Variants in ZNF365 observed in about 807,000 individuals in gnomAD.
ZNF365 encodes protein ZNF365.
Under a neutral mutation model 35.0 loss-of-function variants are expected in ZNF365, and 22 were observed. The ratio of observed to expected loss-of-function variants is 0.63; its 90% CI spans 0.45 to 0.90. The LOEUF is 0.90. Among genes scored for constraint, ZNF365 ranks in the 40% least tolerant of loss-of-function variants. The pLI, the probability that ZNF365 is intolerant of heterozygous loss-of-function variation, is 0.00. For missense variants in ZNF365, 448 were observed against 500.3 expected (o/e 0.90, Z 1.00); for synonymous variants, 188 against 196.2 (o/e 0.96, Z 0.35).
At chr10:62,458,862 AT>A (rs1840802948) in intron 3 of ZNF365, among the ~76,000 whole-genome samples, 1 of 152,108 alleles carries the variant, frequency 6.6e-6, no homozygotes, top group Non-Finnish European at 1.5e-5. Context: ...CTTTATCTAT[AT>A]TTTGGTTTTT....
rs140157545 is a variant in ZNF365, at chr10:62,433,606, G to A, written c.925-26135G>A. ...GATAAACCAAGTGATACTTGATGACGATCCAGATTTGGATTTAAGAAGCAG... is the reference window on the plus strand; with the variant it reads ...GATAAACCAAGTGATACTTGATGACAATCCAGATTTGGATTTAAGAAGCAG... On this transcript the variant is annotated intron_variant, in intron 3 of 4. Transcript: ENST00000395255. Among the ~76,000 whole-genome samples the A allele has an allele frequency of 3.8e-3, 574 of 152,226 alleles. 4 individuals are homozygous for A. The highest frequency in any genetic ancestry group is 0.013 in the African/African-American group (548 of 41,536).
chr10:62,404,944 C>T (rs892699675), downstream of ZNF365, among the ~76,000 whole-genome samples: 1 of 152,094 alleles, frequency 6.6e-6, no homozygotes, highest in African/African-American at 2.4e-5. Context: ...TTACAGAATC[C>T]TTTTGAAGCA....
intron 3 of ZNF365, among the ~76,000 whole-genome samples, chr10:62,435,484 C>T (rs1840393097): frequency 6.6e-6 from 1 of 152,142 alleles, no homozygotes; most frequent in South Asian, 2.1e-4. Context: ...TAGTGCAAGG[C>T]TCTCCACCCT....
intron 3 of ZNF365, among the ~76,000 whole-genome samples, chr10:62,410,843 A>G (rs1181702912): frequency 6.6e-6 from 1 of 152,120 alleles, no homozygotes; most frequent in African/African-American, 2.4e-5. Context: ...ATCTTTGAGA[A>G]ATGATCACAC....
At chr10:62,388,859 AGAGTTT>A (rs1839573274) in intron 3 of ZNF365, among the ~76,000 whole-genome samples, 1 of 152,226 alleles carries the variant, frequency 6.6e-6, no homozygotes, top group Non-Finnish European at 1.5e-5. Context: ...GTAAAATAGA[AGAGTTT>A]GAAGTATCCA....
intron 3 of ZNF365, among the ~76,000 whole-genome samples, chr10:62,446,074 A>G (rs1840583325): frequency 1.3e-5 from 2 of 152,196 alleles, no homozygotes; most frequent in Non-Finnish European, 2.9e-5. Context: ...CTGTAAGTGT[A>G]AGGTTGGAAA....
intron 3 of ZNF365, chr10:62,459,664 C>A: frequency 1.4e-6 from 2 of 1,468,544 alleles, no homozygotes; most frequent in Non-Finnish European, 1.9e-6. Flanking sequence ...CATGGCACTG[C>A]TTGTAGTCTT....
chr10:62,462,922 C>A (rs1840871391), intron 4 of ZNF365, among the ~76,000 whole-genome samples: 1 of 152,104 alleles, frequency 6.6e-6, no homozygotes, highest in African/African-American at 2.4e-5. Context: ...ATGGATATGT[C>A]CCATGAAAAT....
intron 3 of ZNF365, among the ~76,000 whole-genome samples, chr10:62,441,948 T>A (rs1275803927): frequency 6.6e-6 from 1 of 152,180 alleles, no homozygotes; most frequent in African/African-American, 2.4e-5. Context: ...CAGCTCATAA[T>A]GATTCCGGAG....
At chr10:62,470,250 G>A (rs1841012315) in intron 4 of ZNF365, among the ~76,000 whole-genome samples, 1 of 152,156 alleles carries the variant, frequency 6.6e-6, no homozygotes, top group Non-Finnish European at 1.5e-5. Context: ...CACCACCATG[G>A]GCAACTGAGG....
chr10:62,398,611 C>G (rs1028524341), intron 3 of ZNF365, 129 bp from the exon 4 acceptor site: 30 of 750,050 alleles, frequency 4.0e-5, no homozygotes, highest in Non-Finnish European at 6.3e-5. Flanking sequence ...TGCTGCAGGT[C>G]GTGCTACCAG....
Position 62,475,240 on chromosome 10 carries a change from T to C in ZNF365, c.982-4636T>C, listed in dbSNP as rs80241594. On this transcript the variant is annotated intron_variant, in intron 4 of 4. Transcript: ENST00000395255. ...ATGGGACTGGGGAACAGAAGCCTTG[T>C]AATTGGGATGACTCAAATACAATAG... 6.6e-3 allele frequency among the ~76,000 whole-genome samples: 1,008 copies of C among 152,290 alleles called. 4 individuals carry two copies. The highest frequency in any genetic ancestry group is 0.017 in the Middle Eastern group (5 of 294).
At chr10:62,403,397 GC>G (rs1839860198), downstream of ZNF365, among the ~76,000 whole-genome samples, 1 of 152,144 alleles carries the variant, frequency 6.6e-6, no homozygotes, top group South Asian at 2.1e-4. Context: ...GGTGGCTCAC[GC>G]CTGTAATCCC....
Position 62,417,244 on chromosome 10 carries a change from C to A in ZNF365, c.924+28668C>A, listed in dbSNP as rs554403425. Among the ~76,000 whole-genome samples, 163 of 152,198 alleles carry A rather than the reference C, an allele frequency of 1.1e-3. 1 individual carries two copies. Among genetic ancestry groups the A allele is most frequent in the Non-Finnish European group, 1.9e-3 (132 of 67,920 alleles). On this transcript the variant is annotated intron_variant, in intron 3 of 4. Coordinates refer to the ZNF365 transcript ENST00000395255. ...CGTTTGCTCCTGCATCAGCCTAATG[C>A]TGATTATTACTGTGCATCTTGTCTG...
At chr10:62,469,312 A>G (rs752344629) in intron 4 of ZNF365, among the ~76,000 whole-genome samples, 1 of 152,204 alleles carries the variant, frequency 6.6e-6, no homozygotes, top group Non-Finnish European at 1.5e-5. Context: ...GAGAATTTTG[A>G]TGAGAAATCA....
chr10:62,446,602 AT>A (rs36100145), intron 3 of ZNF365, among the ~76,000 whole-genome samples: 100,850 of 151,836 alleles, frequency 0.66, 33,887 homozygotes, highest in Non-Finnish European at 0.73. Flanking sequence ...GCTTCCAGGG[AT>A]TTTTTTTCTT....
At chr10:62,429,206 T>C (rs913184264) in intron 3 of ZNF365, among the ~76,000 whole-genome samples, 1 of 152,228 alleles carries the variant, frequency 6.6e-6, no homozygotes, top group Non-Finnish European at 1.5e-5. Context: ...GTTGTCATTG[T>C]TGCATCTTAT....
exon 5 of ZNF365, chr10:62,480,114 C>T (rs1413555646): frequency 2.3e-6 from 3 of 1,332,536 alleles, no homozygotes; most frequent in South Asian, 3.4e-5. Flanking sequence ...AACAAGACTG[C>T]AGACTTCCTG....
intron 3 of ZNF365, among the ~76,000 whole-genome samples, chr10:62,429,254 C>T (rs945837026): frequency 3.3e-5 from 5 of 152,198 alleles, no homozygotes; most frequent in Non-Finnish European, 2.9e-5. Context: ...TCAGCCTTGA[C>T]GTCTCAGAGA....
Sources: allele counts gnomAD v4.1 joint callset (sites outside exome capture counted in the v4.1 genomes callset), GRCh38; gene constraint gnomAD v4.1.1; transcripts MANE v1.5; gene names NCBI Gene and HGNC (gene_info 2026-07-23, HGNC 2026-07-21).